The following CDH13 variants were observed in gnomAD, a reference collection of about 807,000 sequenced individuals.
CDH13 encodes cadherin 13.
CDH13 carries 24 observed loss-of-function variants against 63.8 expected under a neutral mutation model. That is an observed-to-expected ratio of 0.38 (90% confidence interval 0.27 to 0.53). The LOEUF (loss-of-function observed/expected upper bound fraction) is 0.53, where lower values mean the gene tolerates loss of function less well. Among genes scored for constraint, CDH13 ranks in the 20% least tolerant of loss-of-function variants. The pLI is 0.85. For synonymous variants in CDH13, 503 were observed against 355.3 expected (o/e 1.42, Z -4.67); for missense variants, 1,049 against 903.1 (o/e 1.16, Z -2.07).
At chr16:83,518,056 G>A (rs1342927331) in intron 7 of CDH13, among the ~76,000 whole-genome samples, 1 of 152,180 alleles carries the variant, frequency 6.6e-6, no homozygotes, top group Non-Finnish European at 1.5e-5. Flanking sequence ...GTCATAGGAG[G>A]GACCTGGTGG....
At chr16:83,685,786 C>T (rs1320858341) in intron 10 of CDH13, among the ~76,000 whole-genome samples, 1 of 152,210 alleles carries the variant, frequency 6.6e-6, no homozygotes, top group Non-Finnish European at 1.5e-5. Context: ...GGCTGACTTT[C>T]AGCAGATGGC....
At chr16:83,720,620 C>T (rs56287267) in intron 10 of CDH13, among the ~76,000 whole-genome samples, 1 of 151,638 alleles carries the variant, frequency 6.6e-6, no homozygotes, top group South Asian at 2.1e-4. Flanking sequence ...AGAAATGAAA[C>T]AGCCAATGTA....
intron 11 of CDH13, among the ~76,000 whole-genome samples, chr16:83,779,440 T>TAAAAAAAAAA (rs1915362976): frequency 2.3e-5 from 1 of 43,702 alleles, no homozygotes; most frequent in Non-Finnish European, 6.0e-5. Flanking sequence ...AAAAAAAAAG[T>TAAAAAAAAAA]CTTATATATG....
intron 11 of CDH13, among the ~76,000 whole-genome samples, chr16:83,753,728 A>C (rs1913278139): frequency 6.6e-6 from 1 of 152,146 alleles, no homozygotes. Flanking sequence ...TAACTCAGGA[A>C]TTTATGCCAA....
intron 3 of CDH13, among the ~76,000 whole-genome samples, chr16:83,113,461 C>A (rs1298234466): frequency 6.6e-6 from 1 of 152,216 alleles, no homozygotes; most frequent in Non-Finnish European, 1.5e-5. Flanking sequence ...GCTTTTTAGA[C>A]ACCTGCTCTA....
chr16:83,456,285 A>G (rs1188477607), intron 6 of CDH13, among the ~76,000 whole-genome samples: 1 of 152,212 alleles, frequency 6.6e-6, no homozygotes, highest in Non-Finnish European at 1.5e-5. Flanking sequence ...CACTAAATCG[A>G]ATGGACCAGG....
chr16:83,298,579 A>G (rs1370730136), intron 5 of CDH13, among the ~76,000 whole-genome samples: 1 of 152,204 alleles, frequency 6.6e-6, no homozygotes, highest in Non-Finnish European at 1.5e-5. Context: ...CTTCCTAAGC[A>G]CTTAAAAACT....
intron 7 of CDH13, among the ~76,000 whole-genome samples, chr16:83,580,519 G>C (rs1387016867): frequency 3.9e-5 from 5 of 128,446 alleles, no homozygotes; most frequent in African/African-American, 1.5e-4. Context: ...AGTCAGGTCA[G>C]GGTCTCCATC....
chr16:83,769,977 G>A (rs923852652), intron 11 of CDH13, among the ~76,000 whole-genome samples: 8 of 152,166 alleles, frequency 5.3e-5, no homozygotes. Flanking sequence ...AAGGAACTGG[G>A]CCAGGGTGCA....
At chr16:83,142,188 G>T (rs1407068924) in intron 4 of CDH13, among the ~76,000 whole-genome samples, 2 of 138,824 alleles carry the variant, frequency 1.4e-5, no homozygotes, top group Admixed American at 7.7e-5. Context: ...TTGAAATGGA[G>T]TCTCATCCTA....
intron 2 of CDH13, among the ~76,000 whole-genome samples, chr16:82,893,634 C>A (rs1223814240): frequency 1.3e-5 from 2 of 152,202 alleles, no homozygotes; most frequent in Non-Finnish European, 2.9e-5. Flanking sequence ...CAGGTCTGGG[C>A]TATTCCCTGC....
At chr16:83,035,740 G>A (rs893796341) in intron 3 of CDH13, among the ~76,000 whole-genome samples, 2 of 152,082 alleles carry the variant, frequency 1.3e-5, no homozygotes, top group Admixed American at 1.3e-4. Context: ...TCTAAGCTGT[G>A]TTACCTTCAG....
At chr16:83,077,054 G>C (rs1485239780) in intron 3 of CDH13, among the ~76,000 whole-genome samples, 7 of 151,812 alleles carry the variant, frequency 4.6e-5, no homozygotes, top group Non-Finnish European at 8.8e-5. Context: ...TCCCATCATA[G>C]ACTTGTTTCA....
chr16:83,747,750 A>G (rs899054748), intron 10 of CDH13, among the ~76,000 whole-genome samples: 1 of 147,930 alleles, frequency 6.8e-6, no homozygotes, highest in Non-Finnish European at 1.5e-5. Flanking sequence ...TTCTCCCACT[A>G]GTCCACATAC....
At chr16:83,335,200 A>G (rs376202733) in intron 5 of CDH13, among the ~76,000 whole-genome samples, 1 of 152,146 alleles carries the variant, frequency 6.6e-6, no homozygotes. Flanking sequence ...AGCTTTGAAC[A>G]TCTCTGTGGT....
At chr16:83,671,132 C>G (rs1914464892) in intron 9 of CDH13, among the ~76,000 whole-genome samples, 160 bp downstream of exon 9, 2 of 152,174 alleles carry the variant, frequency 1.3e-5, no homozygotes, top group South Asian at 4.1e-4. Flanking sequence ...TAAGGGTGCA[C>G]TCGTATCCTC....
chr16:83,721,630 T>A (rs1214721339), intron 10 of CDH13: 6 of 152,184 alleles, frequency 3.9e-5, no homozygotes, highest in African/African-American at 1.4e-4. Flanking sequence ...TACCTCCAAG[T>A]AGCTTGTGGT....
intron 10 of CDH13, among the ~76,000 whole-genome samples, chr16:83,733,824 T>C (rs1911277018): frequency 6.6e-6 from 1 of 152,186 alleles, no homozygotes; most frequent in African/African-American, 2.4e-5. Flanking sequence ...GGGAAACTGA[T>C]CACCTGTCCA....
At chr16:83,648,326 T>G (rs541315452) in intron 8 of CDH13, among the ~76,000 whole-genome samples, 73 of 152,314 alleles carry the variant, frequency 4.8e-4, no homozygotes, top group Non-Finnish European at 9.0e-4. Flanking sequence ...TGGACTGTTT[T>G]GGAGACTTAA....
Sources: allele counts gnomAD v4.1 joint callset (sites outside exome capture counted in the v4.1 genomes callset), GRCh38; gene constraint gnomAD v4.1.1; transcripts MANE v1.5; gene names NCBI Gene and HGNC (gene_info 2026-07-23, HGNC 2026-07-21).